KCNB2: variants seen among roughly 807,000 people sequenced by gnomAD.
KCNB2 encodes potassium voltage-gated channel subfamily B member 2, also known as delayed rectifier potassium channel protein.
In KCNB2, 15 loss-of-function variants were observed where a neutral mutation model predicts 61.5. The observed-to-expected ratio is 0.24, with a 90% CI of 0.16 to 0.38. The LOEUF (loss-of-function observed/expected upper bound fraction) is 0.38. KCNB2 is among the 10% of genes least tolerant of loss of function. The probability of loss-of-function intolerance (pLI) is 1.00; values close to 1 mark genes in which losing one functional copy is unlikely to be tolerated. For synonymous variants in KCNB2, 457 were observed against 446.0 expected (o/e 1.02, Z -0.31); for missense variants, 828 against 1,125.2 (o/e 0.74, Z 3.78).
intron 2 of KCNB2, among the ~76,000 whole-genome samples, chr8:72,739,761 C>G (rs1235773336): frequency 5.9e-5 from 9 of 152,168 alleles, no homozygotes; most frequent in African/African-American, 2.2e-4. Context: ...TCAAAGGAAG[C>G]TTTGGAAGAA....
chr8:72,548,133 A>ATAATATAATCGAAG (rs919727281), intron 1 of KCNB2, among the ~76,000 whole-genome samples: 1 of 152,236 alleles, frequency 6.6e-6, no homozygotes, highest in African/African-American at 2.4e-5. Context: ...TTTAATCGAA[A>ATAATATAATCGAAG]TAATATAAAA....
chr8:72,825,687 A>G (rs939909063), intron 2 of KCNB2, among the ~76,000 whole-genome samples: 1 of 152,102 alleles, frequency 6.6e-6, no homozygotes, highest in Non-Finnish European at 1.5e-5. Flanking sequence ...GGCCATTTGT[A>G]TATCTTCTTT....
intron 1 of KCNB2, among the ~76,000 whole-genome samples, chr8:72,545,576 C>T (rs1303928614): frequency 3.9e-5 from 6 of 152,224 alleles, no homozygotes; most frequent in Middle Eastern, 3.4e-3. Flanking sequence ...GCTATTCCCA[C>T]ATCTCTCTCC....
At chr8:72,871,701 C>T (rs115400226) in intron 2 of KCNB2, among the ~76,000 whole-genome samples, 1 of 152,160 alleles carries the variant, frequency 6.6e-6, no homozygotes, top group Non-Finnish European at 1.5e-5. Context: ...TCCAAACTCT[C>T]CCTTGTTCTC....
At position 72,701,538 on chromosome 8, in the gene KCNB2, T is replaced by G. The variant is rs1224808810; in HGVS notation, c.579+133225T>G. Among the ~76,000 whole-genome samples the G allele has an allele frequency of 6.4e-5, 5 of 77,694 alleles. No homozygotes were observed. In the South Asian group the frequency reaches 1.6e-3, roughly 25 times the overall value. The allele number at this position is 77,694 out of a possible 152,430, so 51.0% of individuals were successfully genotyped here. ...ATTTTACCTTACACCTGTCCCTTTATGTAGATTTTTTTAAAAACTTTCCTC... is the reference window on the plus strand; with the variant it reads ...ATTTTACCTTACACCTGTCCCTTTAGGTAGATTTTTTTAAAAACTTTCCTC... On this transcript the variant is annotated intron_variant, in intron 2 of 2. Coordinates refer to ENST00000523207, the MANE Select transcript of KCNB2 (RefSeq NM_004770.3).
intron 2 of KCNB2, among the ~76,000 whole-genome samples, chr8:72,900,919 T>A (rs72653541): frequency 0.074 from 11,304 of 152,232 alleles, 439 homozygotes; most frequent in South Asian, 0.11. Context: ...TCAGTCTCTG[T>A]GGAAAGCAGT....
At chr8:72,565,903 A>C (rs1223393379) in intron 1 of KCNB2, among the ~76,000 whole-genome samples, 5 of 152,192 alleles carry the variant, frequency 3.3e-5, no homozygotes, top group Non-Finnish European at 7.4e-5. Flanking sequence ...GTAATAATAG[A>C]GAAGATGTTC....
intron 2 of KCNB2, among the ~76,000 whole-genome samples, chr8:72,672,784 C>T (rs1806586602): frequency 6.6e-6 from 1 of 152,100 alleles, no homozygotes; most frequent in African/African-American, 2.4e-5. Context: ...GTGAGGATCT[C>T]ATGACCATTA....
chr8:72,831,524 G>T (rs1360723273), intron 2 of KCNB2, among the ~76,000 whole-genome samples: 1 of 152,208 alleles, frequency 6.6e-6, no homozygotes, highest in Non-Finnish European at 1.5e-5. Flanking sequence ...TACACTTTGT[G>T]GGTGTGATTC....
chr8:72,756,526 G>C (rs1808293130), intron 2 of KCNB2, among the ~76,000 whole-genome samples: 1 of 152,136 alleles, frequency 6.6e-6, no homozygotes, highest in Non-Finnish European at 1.5e-5. Context: ...AACTGCCCTG[G>C]CTAATTATAA....
chr8:72,729,396 C>CT (rs1455211990), intron 2 of KCNB2, among the ~76,000 whole-genome samples: 3 of 152,176 alleles, frequency 2.0e-5, no homozygotes, highest in Non-Finnish European at 4.4e-5. Flanking sequence ...TGCAAACTCA[C>CT]AGGGAGGCCA....
intron 2 of KCNB2, among the ~76,000 whole-genome samples, chr8:72,806,626 A>AT (rs1809228689): frequency 6.6e-6 from 1 of 152,070 alleles, no homozygotes; most frequent in African/African-American, 2.4e-5. Flanking sequence ...AAAAAAAAAA[A>AT]GATGAATAAT....
In KCNB2 at chr8:72,655,232, G is replaced by A. The variant is rs553416669; in HGVS notation, c.579+86919G>A. On this transcript the variant is annotated intron_variant, in intron 2 of 2. Coordinates refer to ENST00000523207, the MANE Select transcript of KCNB2 (RefSeq NM_004770.3). Reference sequence around the variant, plus strand: ...ATACCACATATTCTCACTTATAAGTGGGAGATAAACATTGAGAACATATGG... The same window carrying A: ...ATACCACATATTCTCACTTATAAGTAGGAGATAAACATTGAGAACATATGG... 1.9e-4 allele frequency among the ~76,000 whole-genome samples: 29 copies of A among 152,158 alleles called. 1 individual carries two copies. In the South Asian group the frequency reaches 4.6e-3, roughly 24 times the overall value.
chr8:72,762,342 C>A (rs1466571156), intron 2 of KCNB2, among the ~76,000 whole-genome samples: 1 of 152,222 alleles, frequency 6.6e-6, no homozygotes, highest in Non-Finnish European at 1.5e-5. Context: ...TAAAAGGGAT[C>A]TGCTGACATG....
intron 2 of KCNB2, among the ~76,000 whole-genome samples, chr8:72,714,312 C>T (rs1386730825): frequency 6.6e-6 from 1 of 152,022 alleles, no homozygotes; most frequent in South Asian, 2.1e-4. Flanking sequence ...ACAGAGAATG[C>T]CACAAAGATA....
At chr8:72,688,004 G>A (rs935536450) in intron 2 of KCNB2, among the ~76,000 whole-genome samples, 2 of 152,138 alleles carry the variant, frequency 1.3e-5, no homozygotes, top group Non-Finnish European at 1.5e-5. Flanking sequence ...ACCAGAGGCC[G>A]AATCTCCTCT....
At chr8:72,718,424 A>G (rs938642495) in intron 2 of KCNB2, among the ~76,000 whole-genome samples, 2 of 152,184 alleles carry the variant, frequency 1.3e-5, no homozygotes, top group African/African-American at 4.8e-5. Flanking sequence ...CAAATGTCCA[A>G]CAATGATAAA....
At chr8:72,776,613 G>C (rs1808658171) in intron 2 of KCNB2, among the ~76,000 whole-genome samples, 1 of 152,168 alleles carries the variant, frequency 6.6e-6, no homozygotes, top group Non-Finnish European at 1.5e-5. Flanking sequence ...CTGCTAACAA[G>C]TCTCCTTTAC....
intron 2 of KCNB2, among the ~76,000 whole-genome samples, chr8:72,662,310 G>A (rs746978219): frequency 3.4e-4 from 52 of 152,282 alleles, no homozygotes; most frequent in Admixed American, 7.8e-4. Context: ...ACAGATTGTA[G>A]AGGGCACTGG....
Sources: gnomAD v4.1 joint callset for allele counts (sites outside exome capture counted in the v4.1 genomes callset) on GRCh38, gnomAD v4.1.1 for gene constraint, MANE v1.5 for transcripts, NCBI Gene and HGNC (gene_info 2026-07-23, HGNC 2026-07-21) for gene names.